The following ANKRD61 variants were observed in gnomAD, a reference collection of about 807,000 sequenced individuals.
ANKRD61 encodes ankyrin repeat domain-containing protein 61.
A neutral mutation model predicts 8.4 loss-of-function variants in ANKRD61; 7 were observed. That is an observed-to-expected ratio of 0.84 (90% CI 0.48 to 1.57). The LOEUF (loss-of-function observed/expected upper bound fraction) is 1.57, where lower values mean the gene tolerates loss of function less well. ANKRD61 is among the 40% of genes most tolerant of loss of function. The pLI, the probability that ANKRD61 is intolerant of heterozygous loss-of-function variation, is 0.00. For missense variants in ANKRD61, 516 were observed against 523.4 expected (o/e 0.99, Z 0.14); for synonymous variants, 198 against 208.0 (o/e 0.95, Z 0.41).
In ANKRD61 at chr7:6,035,386, C is replaced by A; in HGVS notation, c.315-58C>A. 3 of 1,443,894 alleles carry A rather than the reference C, an allele frequency of 2.1e-6. No homozygotes were observed. Among genetic ancestry groups the A allele is most frequent in the Non-Finnish European group, 2.8e-6 (3 of 1,065,218 alleles). The allele number at this position is 1,443,894 out of a possible 1,614,324, so 89.4% of individuals were successfully genotyped here. A position where few individuals can be genotyped will look rare whatever the true frequency, so the allele number is the denominator to read the frequency against. On this transcript the variant is annotated intron_variant, in intron 2 of 2. Coordinates refer to ENST00000409061, the MANE Select transcript of ANKRD61 (RefSeq NM_001271700.2). This position sits in a 1 kb window ranked among gnomAD's most constrained non-coding sequence, Gnocchi z 5.5. ...ACTGGCTTCTTAAGCATTAACTGTC[C>A]ACGTAGAGCCGTTCCCACTGTGAAT...
chr7:6,032,700 C>A lies in ANKRD61; in HGVS notation c.217-139C>A. The A allele has an allele frequency of 1.7e-6, 1 of 582,980 alleles. No individual in the cohort carries two copies. Among genetic ancestry groups the A allele is most frequent in the Non-Finnish European group, 2.9e-6 (1 of 345,180 alleles). 36.1% of individuals were successfully genotyped at this position (582,980 alleles called of 1,614,324 possible). ...TTTAAAACAGGTAGTAGAAAGGAAA[C>A]TTTCAATGCACATACCAGAAAAAGA... is the stretch of plus-strand genomic sequence containing the variant. On this transcript the variant is annotated intron_variant, in intron 1 of 2. Coordinates refer to ENST00000409061, the MANE Select transcript of ANKRD61 (RefSeq NM_001271700.2). This position sits in a 1 kb window ranked among gnomAD's most constrained non-coding sequence, Gnocchi z 4.3.
rs56841160 is a variant in ANKRD61, at chr7:6,036,112, C to A, written c.983C>A (p.Thr328Lys). 2.5e-4 allele frequency: 395 copies of A among 1,550,728 alleles called. 1 individual carries two copies. In the African/African-American group the frequency reaches 5.0e-3, roughly 20 times the overall value. The stretch of plus-strand genomic sequence containing the variant: ...CAGCGCAGTTGCAATGTAAGAGATA[C>A]GGCACTTCTGGCCAGGCTACTTTAT... The part of the protein sequence containing the change: ...YLQRSCNVRD[T>K]ALLARLLYHT... Residue 328 changes from threonine to lysine, a missense_variant, in exon 3 of 3, where the codon ACG (threonine) becomes AAG (lysine). Transcript: ENST00000409061. This position sits in a 1 kb window ranked among gnomAD's most constrained non-coding sequence, Gnocchi z 4.6.
At position 6,032,726 on chromosome 7, in the gene ANKRD61, G is replaced by C; in HGVS notation, c.217-113G>C. 1 of 779,718 alleles carries C rather than the reference G, an allele frequency of 1.3e-6. No homozygotes were observed. Among genetic ancestry groups the C allele is most frequent in the Non-Finnish European group, 2.0e-6 (1 of 493,696 alleles). 48.3% of individuals were successfully genotyped at this position (779,718 alleles called of 1,614,324 possible). ...TTTCAATGCACATACCAGAAAAAGA[G>C]TGAGCCAATGAGACACTAAATAAAT... is the stretch of plus-strand genomic sequence containing the variant. On this transcript the variant is annotated intron_variant, in intron 1 of 2. Transcript: ENST00000409061. This position sits in a 1 kb window ranked among gnomAD's most constrained non-coding sequence, Gnocchi z 4.3.
In ANKRD61 at chr7:6,035,613, C is replaced by T; in HGVS notation, c.484C>T (p.Gln162Ter). ...TGCGCACGGAGCTCAAGTGAACACT[C>T]AAGGGGAAATCAGCAACAAACGTTC... ...LCAHGAQVNT[Q>*]GEISNKRSPL... Residue 162 changes from glutamine to a stop codon, truncating the protein, a stop_gained, in exon 3 of 3, where the codon CAA (glutamine) becomes TAA (stop). Transcript: ENST00000409061. LOFTEE classifies it low-confidence loss of function (END_TRUNC). This position sits in a 1 kb window ranked among gnomAD's most constrained non-coding sequence, Gnocchi z 5.5. 1 of 1,550,932 alleles carries T rather than the reference C, an allele frequency of 6.4e-7. No homozygotes were observed. The highest frequency in any genetic ancestry group is 8.7e-7 in the Non-Finnish European group (1 of 1,147,102).
rs898835586 is a variant in ANKRD61 at position 6,031,406 on chromosome 7, G to A, written c.31G>A (p.Asp11Asn). Reference protein sequence around the residue: MGNITRKGSRDLVVDSAKSLE... With the variant: MGNITRKGSRNLVVDSAKSLE... ...GAATATAACCAGGAAAGGAAGCAGA[G>A]ACCTGGTGGTTGACAGTGCCAAGTC... is the stretch of plus-strand genomic sequence containing the variant. Residue 11 changes from aspartate to asparagine, a missense_variant, in exon 1 of 3, where the codon GAC becomes AAC. Physicochemically the swap from Asp to Asn is conservative, Grantham distance 23. Transcript: ENST00000409061. The A allele has an allele frequency of 1.8e-5, 28 of 1,550,760 alleles. No homozygotes were observed. The highest frequency in any genetic ancestry group is 2.4e-5 in the Non-Finnish European group (27 of 1,147,056).
rs1017795516 is a variant in ANKRD61 at position 6,032,286 on chromosome 7, C to T, written c.217-553C>T. ...CAATTAAATTCAAAAAGGAAGTCACCCTCCCTTGTACCCTACTGTCTTATC... is the reference window on the plus strand; with the variant it reads ...CAATTAAATTCAAAAAGGAAGTCACTCTCCCTTGTACCCTACTGTCTTATC... On this transcript the variant is annotated intron_variant, in intron 1 of 2. Transcript: ENST00000409061. This position sits in a 1 kb window ranked among gnomAD's most constrained non-coding sequence, Gnocchi z 4.3. Among the ~76,000 whole-genome samples, 1 of 152,028 alleles carries T rather than the reference C, an allele frequency of 6.6e-6. No individual in the cohort carries two copies. The highest frequency in any genetic ancestry group is 6.6e-5 in the Admixed American group (1 of 15,262).
chr7:6,032,758 C>G lies in ANKRD61; in HGVS notation c.217-81C>G. ...AATGAGACACTAAATAAATGTATTG[C>G]CTTTGAAACGGCAAGCTAACACAAA... On this transcript the variant is annotated intron_variant, in intron 1 of 2. Coordinates refer to ENST00000409061, the MANE Select transcript of ANKRD61 (RefSeq NM_001271700.2). The surrounding 1 kb of genome is among the most constrained non-coding windows in gnomAD (Gnocchi z 4.3). The G allele has an allele frequency of 1.7e-6, 2 of 1,171,998 alleles. No individual in the cohort carries two copies. Among genetic ancestry groups the G allele is most frequent in the Non-Finnish European group, 2.5e-6 (2 of 816,182 alleles). 72.6% of individuals were successfully genotyped at this position (1,171,998 alleles called of 1,614,324 possible).
chr7:6,034,464 GC>G (rs1788015365), intron 2 of ANKRD61, among the ~76,000 whole-genome samples: 1 of 151,878 alleles, frequency 6.6e-6, no homozygotes, highest in African/African-American at 2.4e-5. Flanking sequence ...TCACAGACTC[GC>G]CCCATTCTCC....
chr7:6,032,960 ATTTC>A lies in ANKRD61; in HGVS notation c.314+28_314+31del. ...AGGTAAGTTAACTCCACCGAAAATC[ATTTC>A]TTTTTTTTTCTTTTTTGTTTTGAGG... is the stretch of plus-strand genomic sequence containing the variant. On this transcript the variant is annotated intron_variant, in intron 2 of 2. Transcript: ENST00000409061. This position sits in a 1 kb window ranked among gnomAD's most constrained non-coding sequence, Gnocchi z 4.3. 6.5e-7 allele frequency: 1 copy of A among 1,533,882 alleles called. No individual in the cohort carries two copies. The highest frequency in any genetic ancestry group is 8.8e-7 in the Non-Finnish European group (1 of 1,133,604).
Position 6,033,311 on chromosome 7 carries a change from AT to A in ANKRD61, c.314+384del, listed in dbSNP as rs764593109. Among the ~76,000 whole-genome samples, 45 of 151,438 alleles carry A rather than the reference AT, an allele frequency of 3.0e-4. No individual in the cohort carries two copies. The highest frequency in any genetic ancestry group is 9.7e-4 in the African/African-American group (40 of 41,266). On this transcript the variant is annotated intron_variant, in intron 2 of 2. Transcript: ENST00000409061. This position sits in a 1 kb window ranked among gnomAD's most constrained non-coding sequence, Gnocchi z 4.4. ...CTAAGTGAGGATATACCTGATATAGATTTTTTTTTCAGTTCATACATTTTTT... is the reference window on the plus strand; with the variant it reads ...CTAAGTGAGGATATACCTGATATAGATTTTTTTTCAGTTCATACATTTTTT...
At position 6,036,322 on chromosome 7, in the gene ANKRD61, A is replaced by T; in HGVS notation, c.1193A>T (p.Gln398Leu). 1 of 1,542,748 alleles carries T rather than the reference A, an allele frequency of 6.5e-7. No individual in the cohort carries two copies. The highest frequency in any genetic ancestry group is 2.0e-5 in the Admixed American group (1 of 49,244). Residue 398 changes from glutamine to leucine, a missense_variant, in exon 3 of 3, where the codon CAA (glutamine) becomes CTA (leucine). Gln to Leu is a moderately radical substitution (Grantham distance 113). Transcript: ENST00000409061. This position sits in a 1 kb window ranked among gnomAD's most constrained non-coding sequence, Gnocchi z 4.6. Reference protein sequence around the residue: ...YGEKYKQHLKQFLPVTIWNSV... With the variant: ...YGEKYKQHLKLFLPVTIWNSV... ...GAGAAATACAAACAGCACTTGAAGC[A>T]ATTCCTCCCAGTGACAATATGGAAT...
rs1562744290 is a variant in ANKRD61 at position 6,032,974 on chromosome 7, CTTTTT to C, written c.314+40_314+44del. The C allele has an allele frequency of 1.3e-6, 2 of 1,512,318 alleles. No homozygotes were observed. Among genetic ancestry groups the C allele is most frequent in the African/African-American group, 2.8e-5 (2 of 71,878 alleles). 93.7% of individuals were successfully genotyped at this position (1,512,318 alleles called of 1,614,324 possible). A position where few individuals can be genotyped will look rare whatever the true frequency, so the allele number is the denominator to read the frequency against. Reference sequence around the variant, plus strand: ...CACCGAAAATCATTTCTTTTTTTTTCTTTTTTGTTTTGAGGCAGGGGTCTCGCTCT... The same window carrying C: ...CACCGAAAATCATTTCTTTTTTTTTCTGTTTTGAGGCAGGGGTCTCGCTCT... On this transcript the variant is annotated intron_variant, in intron 2 of 2. Transcript: ENST00000409061. This position sits in a 1 kb window ranked among gnomAD's most constrained non-coding sequence, Gnocchi z 4.3.
At position 6,033,730 on chromosome 7, in the gene ANKRD61, T is replaced by C. The variant is rs1787982614; in HGVS notation, c.314+794T>C. ...GACTACAGGCGCCTGCCACCACGCC[T>C]GGCTAATTTTTTGTATTTTTAGTAG... On this transcript the variant is annotated intron_variant, in intron 2 of 2. Coordinates refer to ENST00000409061, the MANE Select transcript of ANKRD61 (RefSeq NM_001271700.2). The surrounding 1 kb of genome is among the most constrained non-coding windows in gnomAD (Gnocchi z 4.4). Among the ~76,000 whole-genome samples the C allele has an allele frequency of 6.6e-6, 1 of 151,966 alleles. No homozygotes were observed. Among genetic ancestry groups the C allele is most frequent in the African/African-American group, 2.4e-5 (1 of 41,392 alleles).
chr7:6,036,161 C>A lies in ANKRD61; in HGVS notation c.1032C>A (p.Thr344=). The change falls in exon 3 of 3, where the codon ACC becomes ACA. Residue 344 remains threonine, a synonymous_variant. Coordinates refer to ENST00000409061, the MANE Select transcript of ANKRD61 (RefSeq NM_001271700.2). This position sits in a 1 kb window ranked among gnomAD's most constrained non-coding sequence, Gnocchi z 4.6. ...LLYHTYPLRM[T]NNQGILPAGI... Reference sequence around the variant, plus strand: ...ATCACACTTATCCTCTGAGAATGACCAATAACCAAGGAATTCTACCTGCAG... The same window carrying A: ...ATCACACTTATCCTCTGAGAATGACAAATAACCAAGGAATTCTACCTGCAG... 2 of 1,549,970 alleles carry A rather than the reference C, an allele frequency of 1.3e-6. No individual in the cohort carries two copies. The highest frequency in any genetic ancestry group is 1.7e-6 in the Non-Finnish European group (2 of 1,146,586).
Position 6,035,825 on chromosome 7 carries a change from T to C in ANKRD61, c.696T>C (p.Ser232=), listed in dbSNP as rs1378994941. The C allele has an allele frequency of 6.5e-7, 1 of 1,549,542 alleles. No homozygotes were observed. Among genetic ancestry groups the C allele is most frequent in the Non-Finnish European group, 8.7e-7 (1 of 1,146,022 alleles). The change falls in exon 3 of 3, where the codon TCT becomes TCC. Residue 232 remains serine (S), a synonymous_variant. Coordinates refer to ENST00000409061, the MANE Select transcript of ANKRD61 (RefSeq NM_001271700.2). This position sits in a 1 kb window ranked among gnomAD's most constrained non-coding sequence, Gnocchi z 5.5. ...AYGANVNCAV[S]STGNTPLKLA... ...GAGCAAACGTCAACTGTGCTGTCTCTTCCACGGGGAACACGCCCCTGAAGC... is the reference window on the plus strand; with the variant it reads ...GAGCAAACGTCAACTGTGCTGTCTCCTCCACGGGGAACACGCCCCTGAAGC...
rs947116446 is a variant in ANKRD61 at position 6,036,113 on chromosome 7, G to A, written c.984G>A (p.Thr328=). The A allele has an allele frequency of 2.1e-5, 33 of 1,550,570 alleles. No homozygotes were observed. The highest frequency in any genetic ancestry group is 9.6e-5 in the African/African-American group (7 of 72,986). ...AGCGCAGTTGCAATGTAAGAGATACGGCACTTCTGGCCAGGCTACTTTATC... is the reference window on the plus strand; with the variant it reads ...AGCGCAGTTGCAATGTAAGAGATACAGCACTTCTGGCCAGGCTACTTTATC... ...YLQRSCNVRD[T]ALLARLLYHT... Residue 328 remains threonine (T), a synonymous_variant, in exon 3 of 3, where the codon ACG becomes ACA. Transcript: ENST00000409061. This position sits in a 1 kb window ranked among gnomAD's most constrained non-coding sequence, Gnocchi z 4.6.
Position 6,036,095 on chromosome 7 carries a change from T to C in ANKRD61, c.966T>C (p.Ser322=), listed in dbSNP as rs1209842999. 4.5e-6 allele frequency: 7 copies of C among 1,550,864 alleles called. No homozygotes were observed. The highest frequency in any genetic ancestry group is 2.4e-5 in the East Asian group (1 of 40,906). The change falls in exon 3 of 3, where the codon AGT becomes AGC. Residue 322 remains serine (S), a synonymous_variant. Transcript: ENST00000409061. This position sits in a 1 kb window ranked among gnomAD's most constrained non-coding sequence, Gnocchi z 4.6. ...CAATTTATATGTACCTTCAGCGCAG[T>C]TGCAATGTAAGAGATACGGCACTTC... is the stretch of plus-strand genomic sequence containing the variant. ...ESPIYMYLQR[S]CNVRDTALLA...
chr7:6,032,724 G>C lies in ANKRD61; in HGVS notation c.217-115G>C, dbSNP rs1184628276. The C allele has an allele frequency of 1.3e-6, 1 of 769,022 alleles. No homozygotes were observed. The highest frequency in any genetic ancestry group is 2.1e-6 in the Non-Finnish European group (1 of 484,616). The allele number at this position is 769,022 out of a possible 1,614,324, so 47.6% of individuals were successfully genotyped here. ...ACTTTCAATGCACATACCAGAAAAA[G>C]AGTGAGCCAATGAGACACTAAATAA... On this transcript the variant is annotated intron_variant, in intron 1 of 2. Transcript: ENST00000409061. The surrounding 1 kb of genome is among the most constrained non-coding windows in gnomAD (Gnocchi z 4.3).
At chr7:6,034,408 C>A (rs1486132661) in intron 2 of ANKRD61, among the ~76,000 whole-genome samples, 5 of 152,144 alleles carry the variant, frequency 3.3e-5, no homozygotes, top group African/African-American at 7.2e-5. Flanking sequence ...GAGCACCCCA[C>A]CCCAGCTCTG....
Sources: gnomAD v4.1 joint callset for allele counts (sites outside exome capture counted in the v4.1 genomes callset) on GRCh38, gnomAD v4.1.1 for gene constraint, Gnocchi (gnomAD v3.1) non-coding constraint, MANE v1.5 for transcripts, NCBI Gene and HGNC (gene_info 2026-07-23, HGNC 2026-07-21) for gene names.